The following IGFL2 variants were observed in gnomAD, a reference collection of about 807,000 sequenced individuals.
The protein encoded by IGFL2 is IGF like family member 2.
IGFL2 carries 7 observed loss-of-function variants against 13.9 expected under a neutral mutation model. That is an observed-to-expected ratio of 0.51 (90% CI 0.29 to 0.95). The LOEUF is 0.95. Ranked by LOEUF, IGFL2 falls within the 40% of genes least tolerant of loss-of-function variation. The probability of loss-of-function intolerance (pLI) is 0.08; values close to 1 mark genes in which losing one functional copy is unlikely to be tolerated. For synonymous variants in IGFL2, 55 were observed against 55.8 expected, an observed-to-expected ratio of 0.99 and a Z score of 0.07; for missense variants, 138 against 147.8, an observed-to-expected ratio of 0.93 and a Z score of 0.34.
At chr19:46,168,926 G>GTGTA in the IGFL2 span, among the ~76,000 whole-genome samples, 13 of 151,740 alleles carry the variant, frequency 8.6e-5, no homozygotes, top group Non-Finnish European at 1.9e-4. Flanking sequence ...ATGTGTGTGT[G>GTGTA]TGTGTGTGTG....
chr19:46,108,864 A>C, the IGFL2 span, among the ~76,000 whole-genome samples: 1 of 152,198 alleles, frequency 6.6e-6, no homozygotes, highest in African/African-American at 2.4e-5. Flanking sequence ...GAAAGGAACC[A>C]AAATTAAGGA....
the IGFL2 span, among the ~76,000 whole-genome samples, chr19:46,080,811 T>C: frequency 1.3e-5 from 2 of 152,232 alleles, no homozygotes; most frequent in Admixed American, 1.3e-4. Flanking sequence ...AGAAAGGGAA[T>C]TCCAGCCTTG....
At chr19:46,090,515 C>A in the IGFL2 span, among the ~76,000 whole-genome samples, 1 of 152,148 alleles carries the variant, frequency 6.6e-6, no homozygotes, top group African/African-American at 2.4e-5. Flanking sequence ...CTGGGAACGC[C>A]CTTCAACAAT....
At chr19:46,103,530 G>A in the IGFL2 span, among the ~76,000 whole-genome samples, 1 of 152,112 alleles carries the variant, frequency 6.6e-6, no homozygotes, top group African/African-American at 2.4e-5. Flanking sequence ...ACTCCAAGAG[G>A]GAGTCAAGAG....
chr19:46,181,880 A>T, the IGFL2 span, among the ~76,000 whole-genome samples: 1 of 152,230 alleles, frequency 6.6e-6, no homozygotes, highest in Non-Finnish European at 1.5e-5. Flanking sequence ...TTACAACCTG[A>T]TTACCTTCCC....
chr19:46,124,067 C>G, the IGFL2 span: 2 of 1,611,616 alleles, frequency 1.2e-6, no homozygotes, highest in Non-Finnish European at 1.7e-6. Flanking sequence ...ATGGCATCAT[C>G]ATAACAGCAC....
At chr19:46,207,618 A>G in the IGFL2 span, 2 of 152,080 alleles carry the variant, frequency 1.3e-5, no homozygotes, top group Non-Finnish European at 2.9e-5. Context: ...CTGACCTCAG[A>G]TGATCCACCC....
At chr19:46,147,099 A>G (rs1973176987), upstream of IGFL2, among the ~76,000 whole-genome samples, 2 of 152,328 alleles carry the variant, frequency 1.3e-5, no homozygotes, top group African/African-American at 4.8e-5. Flanking sequence ...TATGAATCCC[A>G]GATGTCTATT....
At chr19:46,121,604 A>C in the IGFL2 span, among the ~76,000 whole-genome samples, 1 of 150,752 alleles carries the variant, frequency 6.6e-6, no homozygotes, top group South Asian at 2.1e-4. Context: ...AATTAGCCAG[A>C]GATAAAACAA....
At chr19:46,130,967 C>T in the IGFL2 span, among the ~76,000 whole-genome samples, 1 of 152,158 alleles carries the variant, frequency 6.6e-6, no homozygotes, top group African/African-American at 2.4e-5. Context: ...CCTACATCTT[C>T]TTTCCACTTT....
chr19:46,205,348 A>G, the IGFL2 span, among the ~76,000 whole-genome samples: 5 of 152,206 alleles, frequency 3.3e-5, no homozygotes, highest in African/African-American at 9.6e-5. Context: ...GGCATTTTCA[A>G]AATGGCAGCT....
At chr19:46,170,557 G>A in the IGFL2 span, among the ~76,000 whole-genome samples, 1 of 152,202 alleles carries the variant, frequency 6.6e-6, no homozygotes, top group African/African-American at 2.4e-5. Context: ...AAGTCTGGCT[G>A]CCTGTGGGCT....
chr19:46,204,035 A>G, the IGFL2 span: 1 of 152,084 alleles, frequency 6.6e-6, no homozygotes, highest in African/African-American at 2.4e-5. Flanking sequence ...ATTTTTGAAC[A>G]TCTGAAATTT....
chr19:46,149,739 A>G (rs545394475), intron 1 of IGFL2, among the ~76,000 whole-genome samples: 21 of 152,336 alleles, frequency 1.4e-4, no homozygotes, highest in East Asian at 5.8e-4. Context: ...AATAAATTCA[A>G]TTGTATCCAT....
upstream of IGFL2, among the ~76,000 whole-genome samples, chr19:46,143,532 C>T (rs1167882923): frequency 6.6e-6 from 1 of 151,796 alleles, no homozygotes; most frequent in African/African-American, 2.4e-5. Flanking sequence ...TCCCAAAGTA[C>T]TGGGACTATA....
the IGFL2 span, among the ~76,000 whole-genome samples, chr19:46,083,349 C>T: frequency 6.6e-6 from 1 of 152,118 alleles, no homozygotes; most frequent in Non-Finnish European, 1.5e-5. Flanking sequence ...GAAATCTAGG[C>T]AGCTGTAAGA....
At chr19:46,213,227 G>C in the IGFL2 span, 3 of 152,340 alleles carry the variant, frequency 2.0e-5, no homozygotes, top group African/African-American at 7.2e-5. Context: ...GGGGCATGTA[G>C]GACACAGAAG....
chr19:46,104,261 T>C, the IGFL2 span, among the ~76,000 whole-genome samples: 10 of 152,216 alleles, frequency 6.6e-5, no homozygotes, highest in Admixed American at 5.9e-4. Flanking sequence ...GGACAGGCTC[T>C]AATTCTGAGA....
At chr19:46,190,235 C>T in the IGFL2 span, 6 of 152,190 alleles carry the variant, frequency 3.9e-5, no homozygotes, top group Admixed American at 1.3e-4. Flanking sequence ...TGTCTGTGCT[C>T]AGCAGGTAGA....
Sources: allele counts gnomAD v4.1 joint callset (sites outside exome capture counted in the v4.1 genomes callset), GRCh38; gene constraint gnomAD v4.1.1; transcripts MANE v1.5; gene names NCBI Gene and HGNC (gene_info 2026-07-23, HGNC 2026-07-21).